The following SPIDR variants were observed in gnomAD, a reference collection of about 807,000 sequenced individuals.
SPIDR encodes the protein DNA repair-scaffolding protein.
SPIDR carries 93 observed loss-of-function variants against 104.6 expected under a neutral mutation model. The ratio of observed to expected loss-of-function variants is 0.89; its 90% CI spans 0.75 to 1.06. The LOEUF is 1.06. Among genes scored for constraint, SPIDR ranks in the 50% least tolerant of loss-of-function variants. The probability of loss-of-function intolerance (pLI) is 0.00; values close to 1 mark genes in which losing one functional copy is unlikely to be tolerated. For synonymous variants in SPIDR, 431 were observed against 416.9 expected (o/e 1.03, Z -0.41); for missense variants, 1,154 against 1,111.2 (o/e 1.04, Z -0.55).
intron 8 of SPIDR, among the ~76,000 whole-genome samples, chr8:47,501,902 C>T (rs1258280776): frequency 6.6e-6 from 1 of 152,108 alleles, no homozygotes; most frequent in Non-Finnish European, 1.5e-5. Context: ...TTCAGATAAT[C>T]ATATGGTTTT....
At chr8:47,325,992 A>C (rs1185930189) in intron 5 of SPIDR, among the ~76,000 whole-genome samples, 1 of 151,942 alleles carries the variant, frequency 6.6e-6, no homozygotes, top group African/African-American at 2.4e-5. Context: ...AGCTTCATCC[A>C]TGCTTTTTTT....
intron 8 of SPIDR, among the ~76,000 whole-genome samples, chr8:47,453,401 A>G (rs1182264018): frequency 6.6e-6 from 1 of 152,196 alleles, no homozygotes; most frequent in Non-Finnish European, 1.5e-5. Flanking sequence ...GGGAGCCCGC[A>G]TTGCCAAGAG....
intron 10 of SPIDR, among the ~76,000 whole-genome samples, chr8:47,641,922 G>A (rs1262083382): frequency 6.6e-6 from 1 of 152,194 alleles, no homozygotes; most frequent in African/African-American, 2.4e-5. Context: ...TGGGAAGGTA[G>A]GCTTCACCTA....
chr8:47,288,338 T>A (rs960348336), intron 3 of SPIDR, among the ~76,000 whole-genome samples: 23 of 151,988 alleles, frequency 1.5e-4, no homozygotes, highest in Non-Finnish European at 2.2e-4. Context: ...CAGGCTAGAG[T>A]ACAGTGGTGT....
chr8:47,510,079 G>T (rs2082082841), intron 8 of SPIDR, among the ~76,000 whole-genome samples: 1 of 152,132 alleles, frequency 6.6e-6, no homozygotes, highest in Non-Finnish European at 1.5e-5. Flanking sequence ...TTGGATGAAG[G>T]TAAAATCTGC....
intron 8 of SPIDR, among the ~76,000 whole-genome samples, chr8:47,485,649 G>C (rs1437503863): frequency 6.6e-6 from 1 of 152,342 alleles, no homozygotes; most frequent in East Asian, 1.9e-4. Context: ...ACCCCTCTGA[G>C]ACAAAGCTTC....
intron 5 of SPIDR, among the ~76,000 whole-genome samples, chr8:47,349,360 C>T (rs782596435): frequency 8.5e-5 from 13 of 152,148 alleles, no homozygotes; most frequent in African/African-American, 1.7e-4. Context: ...GAGGGGCACC[C>T]GGCTGTATGA....
At chr8:47,322,873 G>A (rs1268790262) in intron 5 of SPIDR, among the ~76,000 whole-genome samples, 2 of 152,028 alleles carry the variant, frequency 1.3e-5, no homozygotes, top group Non-Finnish European at 2.9e-5. Flanking sequence ...TCACTCATAG[G>A]TGGGAATTGA....
At chr8:47,290,778 C>G (rs1007629246) in intron 3 of SPIDR, among the ~76,000 whole-genome samples, 2 of 152,156 alleles carry the variant, frequency 1.3e-5, no homozygotes, top group Non-Finnish European at 2.9e-5. Context: ...CATTTGTGCT[C>G]TAGTCACTTT....
chr8:47,610,701 A>G (rs535440205), intron 10 of SPIDR, among the ~76,000 whole-genome samples: 1 of 152,330 alleles, frequency 6.6e-6, no homozygotes, highest in East Asian at 1.9e-4. Context: ...AAAATCCTGT[A>G]GAGCAATTCT....
At chr8:47,591,259 T>A (rs1340887839) in intron 8 of SPIDR, among the ~76,000 whole-genome samples, 1 of 151,280 alleles carries the variant, frequency 6.6e-6, no homozygotes, top group East Asian at 1.9e-4. Context: ...ATTAATTTTT[T>A]TAGAATTTTA....
intron 8 of SPIDR, among the ~76,000 whole-genome samples, chr8:47,519,524 C>T (rs2083700524): frequency 6.6e-6 from 1 of 152,144 alleles, no homozygotes; most frequent in Non-Finnish European, 1.5e-5. Flanking sequence ...CGCCTGTAAT[C>T]CGAACACTTT....
chr8:47,536,078 TATA>T (rs1690951197), intron 8 of SPIDR, among the ~76,000 whole-genome samples: 2 of 112,246 alleles, frequency 1.8e-5, no homozygotes, highest in Admixed American at 1.2e-4. Flanking sequence ...ATCAAACAGG[TATA>T]ATCTAAAAAT....
chr8:47,434,010 A>G (rs2067827837), intron 7 of SPIDR, among the ~76,000 whole-genome samples: 1 of 152,250 alleles, frequency 6.6e-6, no homozygotes, highest in Non-Finnish European at 1.5e-5. Context: ...TTCACAAGTA[A>G]CTAACAGAAA....
At chr8:47,291,197 G>C in intron 4 of SPIDR, 60 bp downstream of exon 4, 1 of 1,168,080 alleles carries the variant, frequency 8.6e-7, no homozygotes, top group Non-Finnish European at 1.2e-6. Context: ...GTGTCCAGAA[G>C]ATCAGAGTAA....
chr8:47,652,005 G>A (rs1325458675), intron 10 of SPIDR, among the ~76,000 whole-genome samples: 6 of 152,138 alleles, frequency 3.9e-5, no homozygotes, highest in Non-Finnish European at 7.4e-5. Context: ...TGGGTACACT[G>A]TACACTACTC....
intron 5 of SPIDR, among the ~76,000 whole-genome samples, chr8:47,384,719 C>G (rs1322575304): frequency 6.6e-6 from 1 of 152,202 alleles, no homozygotes; most frequent in Non-Finnish European, 1.5e-5. Context: ...TCCTCTCCTC[C>G]TCCTCCCTCT....
At position 47,260,968 on chromosome 8, in the gene SPIDR, G is replaced by C; in HGVS notation, c.10G>C (p.Gly4Arg). Residue 4 changes from glycine to arginine, a missense_variant, in exon 1 of 20, where the codon GGC (glycine) becomes CGC (arginine). Coordinates refer to ENST00000297423, the MANE Select transcript of SPIDR (RefSeq NM_001080394.4). Reference sequence around the variant, plus strand: ...GGCGGCGCTCCCGGAGATGCCCCGCGGCAGCCGCGCTCGGGGCTCTAAGGT... The same window carrying C: ...GGCGGCGCTCCCGGAGATGCCCCGCCGCAGCCGCGCTCGGGGCTCTAAGGT... Reference protein sequence around the residue: MPRGSRARGSKRKR... With the variant: MPRRSRARGSKRKR... 4.1e-6 allele frequency: 5 copies of C among 1,230,156 alleles called. No homozygotes were observed. Among genetic ancestry groups the C allele is most frequent in the Non-Finnish European group, 5.1e-6 (5 of 986,658 alleles). 76.2% of individuals were successfully genotyped at this position (1,230,156 alleles called of 1,614,324 possible).
At chr8:47,468,151 A>T (rs1005917651) in intron 8 of SPIDR, among the ~76,000 whole-genome samples, 1 of 152,220 alleles carries the variant, frequency 6.6e-6, no homozygotes, top group African/African-American at 2.4e-5. Flanking sequence ...CTGACCAAGG[A>T]GGTGAAAGAT....
Sources: gnomAD v4.1 joint callset for allele counts (sites outside exome capture counted in the v4.1 genomes callset) on GRCh38, gnomAD v4.1.1 for gene constraint, MANE v1.5 for transcripts, NCBI Gene and HGNC (gene_info 2026-07-23, HGNC 2026-07-21) for gene names.